The following BMS1 variants were observed in gnomAD, a reference collection of about 807,000 sequenced individuals.
The protein encoded by BMS1 is ribosome biogenesis protein BMS1 homolog.
Under a neutral mutation model 138.7 loss-of-function variants are expected in BMS1, and 53 were observed. The ratio of observed to expected loss-of-function variants is 0.38; its 90% confidence interval spans 0.31 to 0.48. BMS1 has a LOEUF of 0.48. Ranked by LOEUF, BMS1 falls within the 20% of genes least tolerant of loss-of-function variation. The pLI, the probability that BMS1 is intolerant of heterozygous loss-of-function variation, is 0.97. For synonymous variants in BMS1, 504 were observed against 539.9 expected, an observed-to-expected ratio of 0.93 and a Z score of 0.92; for missense variants, 1,360 against 1,565.5, an observed-to-expected ratio of 0.87 and a Z score of 2.22.
intron 12 of BMS1, among the ~76,000 whole-genome samples, chr10:42,799,259 G>A (rs1338610154): frequency 6.6e-6 from 1 of 152,118 alleles, no homozygotes; most frequent in African/African-American, 2.4e-5. Context: ...ATAGGCACGA[G>A]CCACCAGGCC....
rs1554793202 is a variant in BMS1, at chr10:42,790,365, A to G, written c.490A>G (p.Thr164Ala). 3.7e-6 allele frequency: 6 copies of G among 1,613,888 alleles called. No homozygotes were observed. In the South Asian group the frequency reaches 6.6e-5, roughly 18 times the overall value. Reference protein sequence around the residue: ...IDASFGFEMETFEFLNICQVH... With the variant: ...IDASFGFEMEAFEFLNICQVH... The stretch of plus-strand genomic sequence containing the variant: ...TGCCAGCTTTGGGTTTGAAATGGAA[A>G]CGTTTGAGTTTCTAAACATCTGTCA... Residue 164 changes from threonine (T) to alanine (A), a missense_variant, in exon 5 of 23, where the codon ACG (threonine) becomes GCG (alanine). By Grantham distance (58) the Thr-to-Ala change is moderately conservative (BLOSUM62 0). Transcript: ENST00000374518.
chr10:42,797,129 C>T lies in BMS1; in HGVS notation c.1885C>T (p.Leu629=). The T allele has an allele frequency of 6.2e-7, 1 of 1,614,162 alleles. No homozygotes were observed. ...TTCTCAAGTGAGCAGTGGTCAGAAA[C>T]TGGGGCCACAGAACTTCATTGATGA... The part of the protein sequence containing the change: ...KPSQVSSGQK[L]GPQNFIDETS... The change falls in exon 10 of 23, where the codon CTG becomes TTG. Residue 629 remains leucine, a synonymous_variant. Transcript: ENST00000374518.
At chr10:42,805,275 G>T (rs1327421835) in intron 13 of BMS1, among the ~76,000 whole-genome samples, 1 of 151,976 alleles carries the variant, frequency 6.6e-6, no homozygotes, top group Non-Finnish European at 1.5e-5. Flanking sequence ...GCCCTGTATT[G>T]GTTGGCCATA....
At chr10:42,792,887 C>A in intron 7 of BMS1, 70 bp from the exon 8 acceptor site, 1 of 1,504,236 alleles carries the variant, frequency 6.6e-7, no homozygotes, top group Non-Finnish European at 9.0e-7. Context: ...TCATATTTAA[C>A]CCCCTAGTCA....
rs147587227 is a variant in BMS1 at position 42,796,698 on chromosome 10, G to A, written c.1454G>A (p.Arg485Gln). Residue 485 changes from arginine (R) to glutamine (Q), a missense_variant, in exon 10 of 23, where the codon CGA becomes CAA. Arg to Gln is a conservative substitution (Grantham distance 43). Coordinates refer to ENST00000374518, the MANE Select transcript of BMS1 (RefSeq NM_014753.4). ...TATATGGCTGTTAAGGGCATCAAAC[G>A]ACGGAAACTTGAGTTGGAAGAAGAC... is the stretch of plus-strand genomic sequence containing the variant. ...DQYMAVKGIK[R>Q]RKLELEEDSE... is the part of the protein sequence containing the mutation. The A allele has an allele frequency of 5.6e-6, 9 of 1,614,044 alleles. No individual in the cohort carries two copies. The highest frequency in any genetic ancestry group is 5.3e-5 in the African/African-American group (4 of 74,922).
chr10:42,832,803 T>A lies in BMS1; in HGVS notation c.*1707T>A, dbSNP rs780378327. On this transcript the variant is annotated 3_prime_UTR_variant, in exon 23 of 23. Transcript: ENST00000374518. ...TTCCTCTGTTCCTCAAGAGCTATTA[T>A]GAATTTCATCATCCATTATGCTGAT... 3 of 152,228 alleles carry A rather than the reference T, an allele frequency of 2.0e-5. No individual in the cohort carries two copies. Among genetic ancestry groups the A allele is most frequent in the African/African-American group, 7.2e-5 (3 of 41,456 alleles). 9.4% of individuals were successfully genotyped at this position (152,228 alleles called of 1,614,324 possible).
intron 13 of BMS1, among the ~76,000 whole-genome samples, chr10:42,810,904 G>T (rs1564423377): frequency 6.6e-6 from 1 of 152,038 alleles, no homozygotes; most frequent in African/African-American, 2.4e-5. Flanking sequence ...GATGTTGTTG[G>T]TTTGTGTCTT....
Position 42,812,020 on chromosome 10 carries a change from T to C in BMS1, c.2330-4579T>C, listed in dbSNP as rs555649489. Among the ~76,000 whole-genome samples, 84 of 152,354 alleles carry C rather than the reference T, an allele frequency of 5.5e-4. 1 individual carries two copies. In the South Asian group the frequency reaches 0.017, roughly 31 times the overall value. ...TATTTTAGATTTGCTGTGATTTCTT[T>C]TATTGCCCCAAATGTACTTCATCTT... On this transcript the variant is annotated intron_variant, in intron 13 of 22. Coordinates refer to ENST00000374518, the MANE Select transcript of BMS1 (RefSeq NM_014753.4).
At chr10:42,808,731 C>T (rs1026559066) in intron 13 of BMS1, among the ~76,000 whole-genome samples, 5 of 152,070 alleles carry the variant, frequency 3.3e-5, no homozygotes, top group Admixed American at 6.6e-5. Context: ...TTTATATTTT[C>T]GCCTGCAATT....
chr10:42,783,829 G>A (rs1564405400), intron 1 of BMS1, among the ~76,000 whole-genome samples: 2 of 152,098 alleles, frequency 1.3e-5, no homozygotes, highest in Non-Finnish European at 2.9e-5. Flanking sequence ...GTAATACTGC[G>A]ATCATATTGG....
intron 21 of BMS1, among the ~76,000 whole-genome samples, chr10:42,828,545 C>T (rs1022968293): frequency 1.2e-4 from 18 of 148,698 alleles, no homozygotes; most frequent in Admixed American, 6.0e-4. Context: ...GCGGCTTGGC[C>T]TCCACCACCA....
At chr10:42,828,032 G>A (rs1290379707) in intron 21 of BMS1, among the ~76,000 whole-genome samples, 1 of 152,172 alleles carries the variant, frequency 6.6e-6, no homozygotes, top group Non-Finnish European at 1.5e-5. Flanking sequence ...ACATACAGAA[G>A]AGTGCCCAAA....
chr10:42,816,557 A>G (rs1245111729), intron 13 of BMS1, 42 bp from the exon 14 acceptor site: 3 of 1,554,508 alleles, frequency 1.9e-6, no homozygotes, highest in Admixed American at 3.5e-5. Flanking sequence ...CAGCACATGC[A>G]TACCTGGCTC....
chr10:42,808,704 T>C (rs1025347803), intron 13 of BMS1, among the ~76,000 whole-genome samples: 1 of 152,232 alleles, frequency 6.6e-6, no homozygotes, highest in African/African-American at 2.4e-5. Flanking sequence ...TTATGAGATA[T>C]GAGGCTTAGC....
intron 13 of BMS1, among the ~76,000 whole-genome samples, chr10:42,812,088 TGGAGAG>T (rs767797767): frequency 2.6e-5 from 4 of 152,210 alleles, no homozygotes; most frequent in Admixed American, 6.5e-5. Flanking sequence ...ATTTTGCTGT[TGGAGAG>T]TAGGGTGTTA....
chr10:42,798,441 ACTTTT>A, intron 11 of BMS1, 22 bp from the exon 12 acceptor site: 1 of 1,613,626 alleles, frequency 6.2e-7, no homozygotes. Context: ...TTTTGTTCTC[ACTTTT>A]CTGCCATGGT....
Position 42,786,446 on chromosome 10 carries a change from G to A in BMS1, c.368-722G>A, listed in dbSNP as rs1157783093. On this transcript the variant is annotated intron_variant, in intron 3 of 22. Transcript: ENST00000374518. Reference sequence around the variant, plus strand: ...TTTCTTTTCCCTTTTTTGAGACAGAGTCTTACTCTGTGGTACAGGCTGGAG... The same window carrying A: ...TTTCTTTTCCCTTTTTTGAGACAGAATCTTACTCTGTGGTACAGGCTGGAG... Among the ~76,000 whole-genome samples the A allele has an allele frequency of 2.6e-5, 4 of 152,152 alleles. No homozygotes were observed. In the East Asian group the frequency reaches 7.7e-4, roughly 29 times the overall value.
In BMS1 at chr10:42,796,582, A is replaced by T. The variant is rs1163169651; in HGVS notation, c.1338A>T (p.Glu446Asp). ...EDESGDSDDE[E>D]DDEMSEDDGL... ...AATCTGGAGATAGTGATGATGAAGA[A>T]GATGATGAAATGTCTGAAGATGACG... The change falls in exon 10 of 23, where the codon GAA becomes GAT. Residue 446 changes from glutamate (E) to aspartate (D), a missense_variant. By Grantham distance (45) the Glu-to-Asp change is conservative. Transcript: ENST00000374518. 2 of 1,614,188 alleles carry T rather than the reference A, an allele frequency of 1.2e-6. No individual in the cohort carries two copies. The highest frequency in any genetic ancestry group is 8.5e-7 in the Non-Finnish European group (1 of 1,180,026).
chr10:42,814,546 G>C (rs1334203887), intron 13 of BMS1, among the ~76,000 whole-genome samples: 1 of 152,194 alleles, frequency 6.6e-6, no homozygotes, highest in African/African-American at 2.4e-5. Context: ...ACTGTTATAA[G>C]TGATGAGTCA....
Sources: gnomAD v4.1 joint callset for allele counts (sites outside exome capture counted in the v4.1 genomes callset) on GRCh38, gnomAD v4.1.1 for gene constraint, MANE v1.5 for transcripts, NCBI Gene and HGNC (gene_info 2026-07-23, HGNC 2026-07-21) for gene names.